EPRS1: variants seen among roughly 807,000 people sequenced by gnomAD.
EPRS1 encodes the protein bifunctional glutamate/proline--tRNA ligase.
In EPRS1, 107 loss-of-function variants were observed where a neutral mutation model predicts 188.3. The ratio of observed to expected loss-of-function variants is 0.57; its 90% CI spans 0.49 to 0.67. EPRS1 has a LOEUF of 0.67. EPRS1 is among the 30% of genes least tolerant of loss of function. The pLI is 0.00. For synonymous variants in EPRS1, 596 were observed against 593.1 expected (o/e 1.00, Z -0.07); for missense variants, 1,577 against 1,802.2 (o/e 0.88, Z 2.26).
intron 6 of EPRS1, 135 bp downstream of exon 6, chr1:220,030,251 G>A: frequency 1.7e-6 from 1 of 574,976 alleles, no homozygotes; most frequent in Non-Finnish European, 3.0e-6. Context: ...AAAACGTTTA[G>A]AATTTTAACT....
chr1:220,000,993 A>G (rs1309949905), intron 17 of EPRS1, 145 bp downstream of exon 17: 3 of 641,516 alleles, frequency 4.7e-6, no homozygotes, highest in Non-Finnish European at 8.5e-6. Flanking sequence ...ACATGAAAGG[A>G]TAACAACAAA....
intron 12 of EPRS1, among the ~76,000 whole-genome samples, chr1:220,016,792 C>T (rs1272969074): frequency 6.7e-6 from 1 of 149,046 alleles, no homozygotes; most frequent in Non-Finnish European, 1.5e-5. Flanking sequence ...GCAAGACAAT[C>T]AACTACAAGC....
At chr1:220,025,307 A>C (rs768045849) in intron 6 of EPRS1, 49 bp from the exon 7 acceptor site, 4 of 1,457,030 alleles carry the variant, frequency 2.7e-6, no homozygotes, top group Non-Finnish European at 1.9e-6. Flanking sequence ...GTTTTAACTA[A>C]ATACTTAAAC....
Position 220,024,355 on chromosome 1 carries a change from A to C in EPRS1, c.852T>G (p.Ile284Met), listed in dbSNP as rs1661932758. 6.2e-7 allele frequency: 1 copy of C among 1,613,398 alleles called. No individual in the cohort carries two copies. The highest frequency in any genetic ancestry group is 8.5e-7 in the Non-Finnish European group (1 of 1,179,390). Residue 284 changes from isoleucine to methionine, a missense_variant, in exon 8 of 32, where the codon ATT (isoleucine) becomes ATG (methionine). By Grantham distance (10) the Ile-to-Met change is conservative. Transcript: ENST00000366923. ...CATCCACATAAGCCTTCCCTTCTTG[A>C]ATTAGCTTCTCTGCATACTTCATTA... ...ETIMKYAEKL[I>M]QEGKAYVDDT...
rs1336921400 is a variant in EPRS1 at position 220,046,469 on chromosome 1, G to T, written c.-81C>A. 4.4e-6 allele frequency: 7 copies of T among 1,577,582 alleles called. No homozygotes were observed. Among genetic ancestry groups the T allele is most frequent in the Non-Finnish European group, 6.0e-6 (7 of 1,163,350 alleles). On this transcript the variant is annotated 5_prime_UTR_variant, in exon 1 of 32. Coordinates refer to ENST00000366923, the MANE Select transcript of EPRS1 (RefSeq NM_004446.3). ...GAGGACCCCGCGAAAGGAAGAAGAT[G>T]CAACGTGTGCGCGTACCCGACGCCG...
intron 2 of EPRS1, among the ~76,000 whole-genome samples, chr1:220,038,311 A>C (rs1662226274): frequency 1.3e-5 from 2 of 148,668 alleles, no homozygotes; most frequent in South Asian, 4.2e-4. Context: ...CGAACTCCTG[A>C]CCTCAGGTGA....
chr1:220,025,705 C>G (rs1661958047), intron 6 of EPRS1, among the ~76,000 whole-genome samples: 1 of 152,130 alleles, frequency 6.6e-6, no homozygotes, highest in South Asian at 2.1e-4. Context: ...GAGACTGTCA[C>G]TGTGATGACT....
At chr1:220,026,238 C>T (rs1382125986) in intron 6 of EPRS1, among the ~76,000 whole-genome samples, 1 of 152,144 alleles carries the variant, frequency 6.6e-6, no homozygotes, top group Admixed American at 6.6e-5. Context: ...CTCATCAGCA[C>T]CAACACTCAA....
chr1:219,982,968 C>T (rs187033215), intron 22 of EPRS1, 124 bp from the exon 23 acceptor site: 13 of 866,318 alleles, frequency 1.5e-5, no homozygotes, highest in African/African-American at 3.4e-5. Flanking sequence ...TTAAAATAGT[C>T]GCTGCTGTTC....
At chr1:219,983,131 A>G in intron 22 of EPRS1, 58 bp downstream of exon 22, 1 of 1,397,120 alleles carries the variant, frequency 7.2e-7, no homozygotes, top group Non-Finnish European at 9.9e-7. Context: ...AAAGTTGAAA[A>G]TATATTTTCC....
intron 5 of EPRS1, among the ~76,000 whole-genome samples, chr1:220,032,092 TG>T (rs201248876): frequency 7.3e-5 from 11 of 151,422 alleles, no homozygotes; most frequent in African/African-American, 1.2e-4. Context: ...TTTTTTTTTT[TG>T]AGATAGAGTC....
chr1:219,994,640 CTTTTT>C (rs71169424), intron 18 of EPRS1, among the ~76,000 whole-genome samples: 9 of 109,488 alleles, frequency 8.2e-5, no homozygotes, highest in African/African-American at 3.2e-4. Context: ...GTAACTTCTT[CTTTTT>C]TTTTTTTTTT....
rs1553252323 is a variant in EPRS1, at chr1:220,006,320, A to G, written c.1743-7T>C. ...GATTTTTCCATCTGCATTTCTAGAT[A>G]TAAGATTAAAAGTATTCAAAGAAAT... On this transcript the variant is annotated splice_polypyrimidine_tract_variant and splice_region_variant and intron_variant, in intron 14 of 31. Transcript: ENST00000366923. The G allele has an allele frequency of 6.8e-7, 1 of 1,474,466 alleles. No individual in the cohort carries two copies. The highest frequency in any genetic ancestry group is 9.3e-7 in the Non-Finnish European group (1 of 1,079,252). 91.3% of individuals were successfully genotyped at this position (1,474,466 alleles called of 1,614,324 possible).
intron 6 of EPRS1, among the ~76,000 whole-genome samples, chr1:220,026,827 C>A (rs904606190): frequency 2.0e-5 from 3 of 151,848 alleles, no homozygotes; most frequent in East Asian, 3.9e-4. Flanking sequence ...GTTTCCCACA[C>A]AGGTTTGATC....
chr1:220,038,761 C>T (rs1216215207), intron 2 of EPRS1, among the ~76,000 whole-genome samples: 1 of 151,986 alleles, frequency 6.6e-6, no homozygotes, highest in Non-Finnish European at 1.5e-5. Flanking sequence ...AATAAATGGA[C>T]CAGGAAGTGG....
At chr1:219,982,237 C>T (rs974185735) in intron 23 of EPRS1, among the ~76,000 whole-genome samples, 7 of 152,254 alleles carry the variant, frequency 4.6e-5, no homozygotes, top group Admixed American at 2.6e-4. Flanking sequence ...TTTCCATTTA[C>T]CATACGTAAT....
At chr1:220,021,299 T>C (rs1300077647) in intron 9 of EPRS1, among the ~76,000 whole-genome samples, 1 of 152,096 alleles carries the variant, frequency 6.6e-6, no homozygotes, top group East Asian at 1.9e-4. Context: ...AGCAATCTTC[T>C]TGCCTCAGTC....
chr1:219,979,946 T>C, intron 26 of EPRS1, 139 bp downstream of exon 26: 1 of 760,732 alleles, frequency 1.3e-6, no homozygotes, highest in Non-Finnish European at 2.1e-6. Context: ...TGGGATAGAT[T>C]TGTTTGAAAT....
intron 18 of EPRS1, among the ~76,000 whole-genome samples, chr1:219,991,726 C>CT (rs1661126777): frequency 6.6e-6 from 1 of 152,140 alleles, no homozygotes; most frequent in South Asian, 2.1e-4. Flanking sequence ...AGCCGAGATC[C>CT]TGACATCAAA....
Sources: allele counts gnomAD v4.1 joint callset (sites outside exome capture counted in the v4.1 genomes callset), GRCh38; gene constraint gnomAD v4.1.1; transcripts MANE v1.5; gene names NCBI Gene and HGNC (gene_info 2026-07-23, HGNC 2026-07-21).